The following SWT1 variants were observed in gnomAD, a reference collection of about 807,000 sequenced individuals.
SWT1 encodes SWT1 RNA endoribonuclease homolog, also known as transcriptional protein SWT1.
A neutral mutation model predicts 107.3 loss-of-function variants in SWT1; 33 were observed. The observed-to-expected ratio is 0.31, with a 90% CI of 0.23 to 0.41. SWT1 has a LOEUF of 0.41. Among genes scored for constraint, SWT1 ranks in the 10% least tolerant of loss-of-function variants. SWT1 has a pLI of 1.00. For missense variants in SWT1, 898 were observed against 1,028.9 expected (o/e 0.87, Z 1.74); for synonymous variants, 345 against 348.3 (o/e 0.99, Z 0.11).
intron 12 of SWT1, 131 bp downstream of exon 12, chr1:185,204,994 A>G (rs1388299447): frequency 1.8e-6 from 1 of 553,782 alleles, no homozygotes; most frequent in Non-Finnish European, 3.0e-6. Flanking sequence ...TTTTTCTTCA[A>G]GTTTTTGAAA....
At chr1:185,211,151 C>G (rs770926291) in intron 13 of SWT1, among the ~76,000 whole-genome samples, 5 of 152,162 alleles carry the variant, frequency 3.3e-5, no homozygotes, top group Non-Finnish European at 5.9e-5. Context: ...CTATCCTCAT[C>G]AAGCTACCAT....
At position 185,175,353 on chromosome 1, in the gene SWT1, A is replaced by C. The variant is rs543205870; in HGVS notation, c.966+240A>C. On this transcript the variant is annotated intron_variant, in intron 5 of 18. Transcript: ENST00000367500. ...GCAATCCTCCTGCCTCAGCCTCCCTAGTAGCTGGGACTATAGGCACACATC... is the reference window on the plus strand; with the variant it reads ...GCAATCCTCCTGCCTCAGCCTCCCTCGTAGCTGGGACTATAGGCACACATC... Among the ~76,000 whole-genome samples, 5 of 151,934 alleles carry C rather than the reference A, an allele frequency of 3.3e-5. No homozygotes were observed. In the South Asian group the frequency reaches 8.3e-4, roughly 25 times the overall value.
At chr1:185,175,272 G>T (rs370568824) in intron 5 of SWT1, among the ~76,000 whole-genome samples, 159 bp downstream of exon 5, 47 of 151,416 alleles carry the variant, frequency 3.1e-4, no homozygotes, top group African/African-American at 1.0e-3. Flanking sequence ...GCCCAAGCTG[G>T]AGTGCATGCA....
intron 4 of SWT1, among the ~76,000 whole-genome samples, chr1:185,172,684 T>A (rs1655174865): frequency 6.6e-6 from 1 of 152,154 alleles, no homozygotes; most frequent in African/African-American, 2.4e-5. Context: ...CAGCAACATG[T>A]GAGAGTGTCC....
intron 16 of SWT1, among the ~76,000 whole-genome samples, chr1:185,268,543 AG>A (rs1663567599): frequency 6.6e-6 from 1 of 152,166 alleles, no homozygotes; most frequent in Non-Finnish European, 1.5e-5. Context: ...CCAGGGGCCC[AG>A]GTCTCAAATA....
intron 10 of SWT1, among the ~76,000 whole-genome samples, chr1:185,199,242 A>G (rs867766277): frequency 1.2e-4 from 18 of 152,128 alleles, no homozygotes; most frequent in Middle Eastern, 6.8e-3. Context: ...GGCCTAGCCC[A>G]TTTACATTTA....
chr1:185,210,712 G>A (rs963452134), intron 13 of SWT1, among the ~76,000 whole-genome samples: 1 of 152,098 alleles, frequency 6.6e-6, no homozygotes, highest in Non-Finnish European at 1.5e-5. Context: ...TCAGACAAGA[G>A]AAATAAATAC....
chr1:185,286,118 A>G (rs1006242275), intron 18 of SWT1, among the ~76,000 whole-genome samples: 1 of 152,134 alleles, frequency 6.6e-6, no homozygotes, highest in Admixed American at 6.5e-5. Context: ...TGCATTGACA[A>G]TGTAGATCAG....
At chr1:185,258,267 G>A (rs1009911813) in intron 16 of SWT1, among the ~76,000 whole-genome samples, 1 of 152,054 alleles carries the variant, frequency 6.6e-6, no homozygotes, top group African/African-American at 2.4e-5. Context: ...TTTGAGTTCT[G>A]ATCTCCATCC....
At chr1:185,172,406 T>A (rs563592920) in intron 4 of SWT1, among the ~76,000 whole-genome samples, 1 of 152,232 alleles carries the variant, frequency 6.6e-6, no homozygotes, top group African/African-American at 2.4e-5. Context: ...AAACATCCTT[T>A]TAAAAAACTG....
intron 2 of SWT1, among the ~76,000 whole-genome samples, chr1:185,162,872 G>A (rs1484099451): frequency 1.3e-5 from 2 of 151,714 alleles, no homozygotes; most frequent in African/African-American, 4.8e-5. Flanking sequence ...GATCCCTTGA[G>A]CCCAGGAGTT....
chr1:185,157,251 AGGCG>A lies in SWT1; in HGVS notation c.-70_-67del, dbSNP rs1226056602. The A allele has an allele frequency of 6.5e-6, 1 of 153,148 alleles. No individual in the cohort carries two copies. The highest frequency in any genetic ancestry group is 1.5e-5 in the Non-Finnish European group (1 of 68,554). 9.5% of individuals were successfully genotyped at this position (153,148 alleles called of 1,614,324 possible). A position where few individuals can be genotyped will look rare whatever the true frequency, so the allele number is the denominator to read the frequency against. ...GGGCGGGGTGTGTGTGTGTGTTGGG[AGGCG>A]GGGGTCCCTCTCCTTTGGCTTGGGG... On this transcript the variant is annotated 5_prime_UTR_variant, in exon 1 of 19. The change abolishes the stop of an existing upstream ORF in the 5' untranslated region. Coordinates refer to ENST00000367500, the MANE Select transcript of SWT1 (RefSeq NM_017673.7).
chr1:185,167,024 C>T (rs886938168), intron 3 of SWT1, among the ~76,000 whole-genome samples: 1 of 152,168 alleles, frequency 6.6e-6, no homozygotes, highest in Non-Finnish European at 1.5e-5. Flanking sequence ...TCTCCTGCCT[C>T]AGGCTCCTTA....
chr1:185,226,870 T>G, intron 15 of SWT1: 1 of 1,521,536 alleles, frequency 6.6e-7, no homozygotes, highest in East Asian at 2.3e-5. Context: ...ACCCGATCTT[T>G]CTTCTGAGCA....
At chr1:185,161,339 A>G (rs1300697606) in intron 2 of SWT1, among the ~76,000 whole-genome samples, 2 of 152,208 alleles carry the variant, frequency 1.3e-5, no homozygotes, top group Non-Finnish European at 2.9e-5. Context: ...GGCCAGCGCT[A>G]TGTGGCTGAG....
At chr1:185,273,316 A>G (rs1220813890) in intron 17 of SWT1, among the ~76,000 whole-genome samples, 2 of 151,474 alleles carry the variant, frequency 1.3e-5, no homozygotes, top group East Asian at 3.9e-4. Flanking sequence ...GAGGCAGGAG[A>G]ATTGCTTGGA....
chr1:185,232,157 T>C (rs752657943), intron 16 of SWT1, among the ~76,000 whole-genome samples: 21 of 152,336 alleles, frequency 1.4e-4, no homozygotes, highest in Admixed American at 3.9e-4. Context: ...ATAATTCTTA[T>C]AATAAAAAGT....
intron 13 of SWT1, among the ~76,000 whole-genome samples, chr1:185,207,639 T>C (rs1161260554): frequency 6.6e-6 from 1 of 152,218 alleles, no homozygotes; most frequent in Non-Finnish European, 1.5e-5. Flanking sequence ...TGGTGGCTCA[T>C]GCCTGTAATC....
chr1:185,275,843 A>C (rs1558097076), intron 17 of SWT1, among the ~76,000 whole-genome samples: 1 of 152,196 alleles, frequency 6.6e-6, no homozygotes, highest in Non-Finnish European at 1.5e-5. Flanking sequence ...TCTTTAAATT[A>C]GTAGTAATTA....
Sources: allele counts gnomAD v4.1 joint callset (sites outside exome capture counted in the v4.1 genomes callset), GRCh38; gene constraint gnomAD v4.1.1; transcripts MANE v1.5; gene names NCBI Gene and HGNC (gene_info 2026-07-23, HGNC 2026-07-21).